Variants in FNIP2 observed in about 807,000 individuals in gnomAD.
FNIP2 encodes the protein folliculin interacting protein 2.
In FNIP2, 32 loss-of-function variants were observed where a neutral mutation model predicts 108.7. The observed-to-expected ratio is 0.29, with a 90% CI of 0.22 to 0.40. The LOEUF (loss-of-function observed/expected upper bound fraction) is 0.40, where lower values mean the gene tolerates loss of function less well. Ranked by LOEUF, FNIP2 falls within the 10% of genes least tolerant of loss-of-function variation. The probability of loss-of-function intolerance (pLI) is 1.00; values close to 1 mark genes in which losing one functional copy is unlikely to be tolerated. For missense variants in FNIP2, 1,202 were observed against 1,381.6 expected (o/e 0.87, Z 2.06); for synonymous variants, 480 against 496.7 (o/e 0.97, Z 0.45).
At chr4:158,770,409 T>C (rs530537589) in intron 1 of FNIP2, among the ~76,000 whole-genome samples, 1 of 152,174 alleles carries the variant, frequency 6.6e-6, no homozygotes, top group East Asian at 1.9e-4. Context: ...GTTAAACAGA[T>C]CTAGACCCAG....
chr4:158,812,902 C>G (rs1398435304), intron 1 of FNIP2, among the ~76,000 whole-genome samples: 1 of 151,422 alleles, frequency 6.6e-6, no homozygotes, highest in Non-Finnish European at 1.5e-5. Flanking sequence ...CCTTCCCTCC[C>G]TCTCTAACCC....
chr4:158,850,507 G>A (rs1346402659), intron 7 of FNIP2, among the ~76,000 whole-genome samples: 1 of 151,422 alleles, frequency 6.6e-6, no homozygotes, highest in Admixed American at 6.6e-5. Flanking sequence ...CTGAGACACA[G>A]GTGTAGGCAT....
At chr4:158,809,577 T>A (rs547006674) in intron 1 of FNIP2, among the ~76,000 whole-genome samples, 1 of 152,226 alleles carries the variant, frequency 6.6e-6, no homozygotes, top group Non-Finnish European at 1.5e-5. Flanking sequence ...CCAACAACTT[T>A]TGAGTTTTTC....
At chr4:158,892,519 A>G (rs1432140917) in intron 15 of FNIP2, among the ~76,000 whole-genome samples, 2 of 152,228 alleles carry the variant, frequency 1.3e-5, no homozygotes, top group Non-Finnish European at 2.9e-5. Flanking sequence ...AAATCTTCTC[A>G]GTATCTGCGT....
At chr4:158,828,996 TA>T in intron 2 of FNIP2, 82 bp from the exon 3 acceptor site, 2 of 1,213,494 alleles carry the variant, frequency 1.6e-6, no homozygotes, top group Non-Finnish European at 2.2e-6. Flanking sequence ...AGAATGCTTT[TA>T]AAAAGGAATT....
intron 14 of FNIP2, chr4:158,871,827 A>G (rs1780966447): frequency 1.3e-5 from 13 of 985,394 alleles, no homozygotes; most frequent in Non-Finnish European, 1.4e-5. Context: ...CCATGCATCA[A>G]TGACCCCTGT....
intron 16 of FNIP2, among the ~76,000 whole-genome samples, chr4:158,896,364 A>G (rs1455401104): frequency 6.6e-6 from 1 of 152,118 alleles, no homozygotes; most frequent in Non-Finnish European, 1.5e-5. Context: ...ACCAAAGAGG[A>G]GACTTGTATG....
At chr4:158,794,328 A>ATT (rs34183178) in intron 1 of FNIP2, among the ~76,000 whole-genome samples, 2 of 151,538 alleles carry the variant, frequency 1.3e-5, no homozygotes, top group Admixed American at 6.6e-5. Flanking sequence ...TTAAAAAAAA[A>ATT]TTTTTTTTGT....
intron 15 of FNIP2, among the ~76,000 whole-genome samples, chr4:158,892,465 G>A (rs1301179637): frequency 6.6e-6 from 1 of 152,098 alleles, no homozygotes; most frequent in Non-Finnish European, 1.5e-5. Context: ...TCTTAGAAAA[G>A]TATCAGTAGC....
Position 158,769,198 on chromosome 4 carries a change from TGCG to T in FNIP2, c.-6_-4del, listed in dbSNP as rs1472539903. 2.1e-5 allele frequency: 29 copies of T among 1,365,850 alleles called. No individual in the cohort carries two copies. The highest frequency in any genetic ancestry group is 2.6e-5 in the Non-Finnish European group (27 of 1,045,874). The allele number at this position is 1,365,850 out of a possible 1,614,324, so 84.6% of individuals were successfully genotyped here. On this transcript the variant is annotated 5_prime_UTR_variant, in exon 1 of 17. Coordinates refer to ENST00000264433, the MANE Select transcript of FNIP2 (RefSeq NM_020840.3). ...GCCCCCCGAGCGCCACGGCCGGAGC[TGCG>T]GCGGCGGCATCATGGCCCCGACCCT...
intron 14 of FNIP2, among the ~76,000 whole-genome samples, chr4:158,887,822 C>T (rs138959227): frequency 3.3e-4 from 49 of 150,264 alleles, no homozygotes; most frequent in African/African-American, 1.2e-3. Flanking sequence ...TGTGACAAAT[C>T]CAAACATAGT....
At chr4:158,815,616 G>C (rs1053668638) in intron 1 of FNIP2, among the ~76,000 whole-genome samples, 1 of 151,898 alleles carries the variant, frequency 6.6e-6, no homozygotes, top group Non-Finnish European at 1.5e-5. Flanking sequence ...CGCCAGCCTC[G>C]GCCTCCCAAA....
rs199714823 is a variant in FNIP2 at position 158,791,266 on chromosome 4, C to CTTTTTTTTTTTTTTTTTTTT, written c.107+21957_107+21976dup. Among the ~76,000 whole-genome samples, 8 of 98,076 alleles carry CTTTTTTTTTTTTTTTTTTTT rather than the reference C, an allele frequency of 8.2e-5. 2 individuals are homozygous for CTTTTTTTTTTTTTTTTTTTT. Among genetic ancestry groups the CTTTTTTTTTTTTTTTTTTTT allele is most frequent in the East Asian group, 5.0e-4 (1 of 1,988 alleles). The allele number at this position is 98,076 out of a possible 152,430, so 64.3% of individuals were successfully genotyped here. A position where few individuals can be genotyped will look rare whatever the true frequency, so the allele number is the denominator to read the frequency against. On this transcript the variant is annotated intron_variant, in intron 1 of 16. Coordinates refer to ENST00000264433, the MANE Select transcript of FNIP2 (RefSeq NM_020840.3). ...AGATGTTCCTTCTGCACTGAGGATC[C>CTTTTTTTTTTTTTTTTTTTT]TTTTTTTTTTTTTTTTTTTTTTTTT...
chr4:158,770,809 G>A (rs1775674372), intron 1 of FNIP2, among the ~76,000 whole-genome samples: 1 of 152,156 alleles, frequency 6.6e-6, no homozygotes. Context: ...AGCCTGGAGC[G>A]GAAGGAGCAT....
chr4:158,782,852 G>C (rs1269090263), intron 1 of FNIP2, among the ~76,000 whole-genome samples: 1 of 152,180 alleles, frequency 6.6e-6, no homozygotes, highest in African/African-American at 2.4e-5. Context: ...GGGGGTGGGT[G>C]CTAGTTTAGA....
rs568910886 is a variant in FNIP2 at position 158,896,254 on chromosome 4, GGCACATT to G, written c.3266+390_3266+396del. On this transcript the variant is annotated intron_variant, in intron 16 of 16. Transcript: ENST00000264433. Reference sequence around the variant, plus strand: ...TCACTTCCTGGAGGAGGAGTAGGTTGGCACATTCCACCTGGTGGCAGGAAAGGCCCTT... The same window carrying G: ...TCACTTCCTGGAGGAGGAGTAGGTTGCCACCTGGTGGCAGGAAAGGCCCTT... Among the ~76,000 whole-genome samples, 1,179 of 152,272 alleles carry G rather than the reference GGCACATT, an allele frequency of 7.7e-3. 16 individuals are homozygous for G. The highest frequency in any genetic ancestry group is 0.026 in the African/African-American group (1,101 of 41,558).
chr4:158,792,704 C>T (rs1049045960), intron 1 of FNIP2, among the ~76,000 whole-genome samples: 6 of 152,126 alleles, frequency 3.9e-5, no homozygotes, highest in African/African-American at 9.7e-5. Context: ...AGCAGTGGTT[C>T]GGTATTCACT....
chr4:158,872,548 C>T (rs1781012622), intron 14 of FNIP2: 1 of 985,226 alleles, frequency 1.0e-6, no homozygotes, highest in Non-Finnish European at 1.2e-6. Context: ...ATCCAAAGTG[C>T]AGCCATGCGT....
rs563324595 is a variant in FNIP2, at chr4:158,902,988, G to C, written c.3267-1478G>C. Among the ~76,000 whole-genome samples the C allele has an allele frequency of 3.9e-5, 6 of 152,308 alleles. No individual in the cohort carries two copies. The South Asian group carries it at 1.2e-3, about 32-fold the overall frequency. On this transcript the variant is annotated intron_variant, in intron 16 of 16. Transcript: ENST00000264433. ...TGGCTTCAGCCCCCTTTCCAGGGGA[G>C]TGAACCGTTCTGTCTCGCTAGCATT... is the stretch of plus-strand genomic sequence containing the variant.
Sources: gnomAD v4.1 joint callset for allele counts (sites outside exome capture counted in the v4.1 genomes callset) on GRCh38, gnomAD v4.1.1 for gene constraint, MANE v1.5 for transcripts, NCBI Gene and HGNC (gene_info 2026-07-23, HGNC 2026-07-21) for gene names.